PIGU: variants seen among roughly 807,000 people sequenced by gnomAD.
The protein encoded by PIGU is GPI-anchor transamidase component PIGU.
PIGU carries 24 observed loss-of-function variants against 49.9 expected under a neutral mutation model. The ratio of observed to expected loss-of-function variants is 0.48; its 90% CI spans 0.35 to 0.68. The LOEUF (loss-of-function observed/expected upper bound fraction) is 0.68. Among genes scored for constraint, PIGU ranks in the 30% least tolerant of loss-of-function variants. The pLI is 0.01. For synonymous variants in PIGU, 220 were observed against 205.7 expected (o/e 1.07, Z -0.59); for missense variants, 490 against 532.6 (o/e 0.92, Z 0.79).
At chr20:34,658,029 C>T (rs1986766185) in intron 1 of PIGU, among the ~76,000 whole-genome samples, 1 of 151,772 alleles carries the variant, frequency 6.6e-6, no homozygotes, top group South Asian at 2.1e-4. Context: ...TCCACGGTCT[C>T]CCTCTGATGC....
At chr20:34,586,514 C>A (rs891273624) in intron 8 of PIGU, among the ~76,000 whole-genome samples, 1 of 152,162 alleles carries the variant, frequency 6.6e-6, no homozygotes. Context: ...CAGGATTTAA[C>A]ACAAATAAGC....
At chr20:34,584,498 C>T (rs909722997) in intron 9 of PIGU, among the ~76,000 whole-genome samples, 3 of 147,240 alleles carry the variant, frequency 2.0e-5, no homozygotes, top group Non-Finnish European at 4.5e-5. Context: ...CTCCACAACT[C>T]CTGTTCTTTT....
intron 11 of PIGU, among the ~76,000 whole-genome samples, chr20:34,563,498 G>A (rs1444001751): frequency 1.3e-5 from 2 of 152,130 alleles, no homozygotes. Flanking sequence ...AACCTGGGAG[G>A]CGGAGATGCG....
intron 7 of PIGU, among the ~76,000 whole-genome samples, chr20:34,604,103 C>A (rs1984529678): frequency 6.6e-6 from 1 of 152,294 alleles, no homozygotes; most frequent in East Asian, 1.9e-4. Context: ...AAATGAACCA[C>A]ATCTGTGGGG....
At chr20:34,648,442 A>C (rs75708072) in intron 2 of PIGU, among the ~76,000 whole-genome samples, 5,515 of 152,218 alleles carry the variant, frequency 0.036, 142 homozygotes, top group Non-Finnish European at 0.055. Context: ...TCTTGATCTG[A>C]TAGTATAGTT....
At chr20:34,642,973 G>A (rs1175965537) in intron 4 of PIGU, among the ~76,000 whole-genome samples, 2 of 151,952 alleles carry the variant, frequency 1.3e-5, no homozygotes, top group African/African-American at 4.8e-5. Context: ...CTATTTCGGA[G>A]AAGAGAACAG....
intron 4 of PIGU, among the ~76,000 whole-genome samples, chr20:34,640,504 C>CACAA (rs1986121940): frequency 1.1e-5 from 1 of 94,160 alleles, no homozygotes; most frequent in Non-Finnish European, 2.5e-5. Flanking sequence ...CACGCGCACA[C>CACAA]ACACACACAC....
chr20:34,611,668 C>CAAAAAAAAAAAAAAAAAAAAAAA, intron 7 of PIGU, among the ~76,000 whole-genome samples: 1 of 106,470 alleles, frequency 9.4e-6, no homozygotes, highest in Non-Finnish European at 1.9e-5. Flanking sequence ...AAAAAAAAGA[C>CAAAAAAAAAAAAAAAAAAAAAAA]AAAAAAAAAA....
Position 34,560,932 on chromosome 20 carries a change from G to A in PIGU, c.1242C>T (p.Tyr414=), listed in dbSNP as rs1982470745. Residue 414 remains tyrosine, a synonymous_variant, in exon 12 of 12, where the codon TAC becomes TAT. Transcript: ENST00000217446. ...DYFYAFLRRE[Y]YLTHGLYLTA... ...TCAAGTAGAGGCCATGTGTGAGGTA[G>A]TACTCCCGCCGCAGGAAGGCATAGA... 1 of 1,612,918 alleles carries A rather than the reference G, an allele frequency of 6.2e-7. No homozygotes were observed. The highest frequency in any genetic ancestry group is 1.3e-5 in the African/African-American group (1 of 75,044).
chr20:34,561,362 A>G (rs1486041601), intron 11 of PIGU, among the ~76,000 whole-genome samples: 1 of 152,012 alleles, frequency 6.6e-6, no homozygotes, highest in African/African-American at 2.4e-5. Flanking sequence ...CCCACTCAGC[A>G]TCCATGCCCC....
At chr20:34,615,380 G>A (rs1035882162) in intron 7 of PIGU, among the ~76,000 whole-genome samples, 3 of 152,194 alleles carry the variant, frequency 2.0e-5, no homozygotes, top group African/African-American at 7.2e-5. Context: ...CAAGGTGAGT[G>A]TTATTATAAA....
At chr20:34,595,300 G>T (rs184888231) in intron 7 of PIGU, among the ~76,000 whole-genome samples, 2 of 152,192 alleles carry the variant, frequency 1.3e-5, no homozygotes, top group Admixed American at 1.3e-4. Flanking sequence ...TGAACATGTA[G>T]AGATGTTTTT....
intron 2 of PIGU, among the ~76,000 whole-genome samples, chr20:34,649,837 T>C (rs909856769): frequency 1.6e-5 from 2 of 127,330 alleles, no homozygotes; most frequent in Non-Finnish European, 3.3e-5. Context: ...GCCCGGTCCA[T>C]CTATTACATT....
intron 2 of PIGU, 38 bp from the exon 3 acceptor site, chr20:34,645,372 T>C (rs1305343400): frequency 6.5e-7 from 1 of 1,540,616 alleles, no homozygotes; most frequent in South Asian, 1.3e-5. Flanking sequence ...AAAATTAAGT[T>C]AAACCTTACT....
At chr20:34,631,280 T>C (rs1985697535) in intron 6 of PIGU, among the ~76,000 whole-genome samples, 1 of 151,574 alleles carries the variant, frequency 6.6e-6, no homozygotes, top group African/African-American at 2.4e-5. Context: ...TAAGTAAAAA[T>C]GATGGGAAAA....
intron 1 of PIGU, among the ~76,000 whole-genome samples, 171 bp downstream of exon 1, chr20:34,676,785 C>T (rs1410900769): frequency 6.6e-6 from 1 of 152,204 alleles, no homozygotes; most frequent in African/African-American, 2.4e-5. Flanking sequence ...CCCCACGCCC[C>T]CTCCCCTCAC....
chr20:34,648,221 C>G (rs952923619), intron 2 of PIGU, among the ~76,000 whole-genome samples: 1 of 146,928 alleles, frequency 6.8e-6, no homozygotes, highest in African/African-American at 2.5e-5. Context: ...CACCGCACTC[C>G]AGCCTGGGCA....
chr20:34,646,040 G>A (rs117399854), intron 2 of PIGU, among the ~76,000 whole-genome samples: 6 of 152,204 alleles, frequency 3.9e-5, no homozygotes, highest in Non-Finnish European at 8.8e-5. Flanking sequence ...CACAAAATGA[G>A]CTTCTTCTGT....
chr20:34,573,011 CTTTTTAT>C (rs1052583931), intron 11 of PIGU, among the ~76,000 whole-genome samples: 3 of 152,028 alleles, frequency 2.0e-5, no homozygotes, highest in African/African-American at 7.2e-5. Flanking sequence ...ATTGCATAGT[CTTTTTAT>C]TTTTTATTTT....
Sources: allele counts gnomAD v4.1 joint callset (sites outside exome capture counted in the v4.1 genomes callset), GRCh38; gene constraint gnomAD v4.1.1; transcripts MANE v1.5; gene names NCBI Gene and HGNC (gene_info 2026-07-23, HGNC 2026-07-21).